Variants in THSD7B observed in about 807,000 individuals in gnomAD.
THSD7B encodes the protein thrombospondin type 1 domain containing 7B, also known as thrombospondin type-1 domain-containing protein 7B.
THSD7B carries 138 observed loss-of-function variants against 213.6 expected under a neutral mutation model. The observed-to-expected ratio is 0.65, with a 90% CI of 0.56 to 0.74. The LOEUF (loss-of-function observed/expected upper bound fraction) is 0.74. Among genes scored for constraint, THSD7B ranks in the 30% least tolerant of loss-of-function variants. The pLI, the probability that THSD7B is intolerant of heterozygous loss-of-function variation, is 0.00. For synonymous variants in THSD7B, 742 were observed against 687.0 expected, an observed-to-expected ratio of 1.08 and a Z score of -1.25; for missense variants, 1,931 against 1,991.5, an observed-to-expected ratio of 0.97 and a Z score of 0.58.
chr2:136,957,558 C>A (rs1285167179), intron 2 of THSD7B, among the ~76,000 whole-genome samples: 1 of 151,556 alleles, frequency 6.6e-6, no homozygotes. Context: ...AAAGTATTTC[C>A]TTTTTTGTTG....
intron 12 of THSD7B, among the ~76,000 whole-genome samples, chr2:137,373,371 C>G (rs1685575623): frequency 6.6e-6 from 1 of 152,170 alleles, no homozygotes; most frequent in Non-Finnish European, 1.5e-5. Flanking sequence ...TGTTTCCTGA[C>G]TTTTTAATGA....
chr2:137,386,191 C>T (rs1256065160), intron 12 of THSD7B, among the ~76,000 whole-genome samples: 1 of 152,236 alleles, frequency 6.6e-6, no homozygotes, highest in Non-Finnish European at 1.5e-5. Context: ...ATTTGTGCAT[C>T]ATTCCTTCCA....
intron 15 of THSD7B, among the ~76,000 whole-genome samples, chr2:137,515,659 C>T (rs1439874834): frequency 6.6e-6 from 1 of 152,106 alleles, no homozygotes; most frequent in East Asian, 1.9e-4. Context: ...TATTTGGGCC[C>T]ACTAAGTAGG....
intron 15 of THSD7B, among the ~76,000 whole-genome samples, chr2:137,552,917 G>A (rs544689492): frequency 2.0e-5 from 3 of 152,304 alleles, no homozygotes; most frequent in African/African-American, 7.2e-5. Context: ...AGAAAGCCTG[G>A]ACACCTATAG....
intron 2 of THSD7B, among the ~76,000 whole-genome samples, chr2:137,030,667 A>G (rs1183679253): frequency 6.6e-6 from 1 of 152,184 alleles, no homozygotes; most frequent in Non-Finnish European, 1.5e-5. Context: ...TTACTCAAGA[A>G]TCAAAAACCA....
At chr2:136,865,072 G>A (rs546865204) in intron 1 of THSD7B, among the ~76,000 whole-genome samples, 36 of 152,248 alleles carry the variant, frequency 2.4e-4, no homozygotes, top group African/African-American at 7.7e-4. Flanking sequence ...ATTATTTCTG[G>A]AGCAGTTGTT....
intron 6 of THSD7B, among the ~76,000 whole-genome samples, chr2:137,161,794 A>G (rs150273959): frequency 5.3e-5 from 8 of 152,282 alleles, no homozygotes; most frequent in Non-Finnish European, 1.0e-4. Flanking sequence ...TATGATCTAC[A>G]CATATATAGT....
chr2:137,472,775 A>G (rs1430404965), intron 15 of THSD7B, among the ~76,000 whole-genome samples: 1 of 152,236 alleles, frequency 6.6e-6, no homozygotes, highest in Non-Finnish European at 1.5e-5. Flanking sequence ...GGAATCTAAA[A>G]TCATAACAAT....
At chr2:137,016,275 C>T (rs1364927250) in intron 2 of THSD7B, among the ~76,000 whole-genome samples, 1 of 152,020 alleles carries the variant, frequency 6.6e-6, no homozygotes, top group African/African-American at 2.4e-5. Context: ...TGTTTCTCTC[C>T]CAAAAACTGA....
At chr2:137,674,625 A>ATAAT (rs1558880087) in intron 27 of THSD7B, among the ~76,000 whole-genome samples, 1 of 152,240 alleles carries the variant, frequency 6.6e-6, no homozygotes, top group Non-Finnish European at 1.5e-5. Context: ...TGTTATTCAG[A>ATAAT]TAATTAAGCA....
intron 10 of THSD7B, among the ~76,000 whole-genome samples, chr2:137,244,912 A>G (rs974413382): frequency 2.6e-5 from 4 of 152,168 alleles, no homozygotes; most frequent in Admixed American, 1.3e-4. Flanking sequence ...TGGTTCTCAA[A>G]CTTTATTGCA....
chr2:136,777,453 A>G (rs985007219), intron 1 of THSD7B, among the ~76,000 whole-genome samples: 1 of 152,026 alleles, frequency 6.6e-6, no homozygotes, highest in African/African-American at 2.4e-5. Context: ...TTCTGCCCTC[A>G]CTGGTCCTGC....
intron 1 of THSD7B, among the ~76,000 whole-genome samples, chr2:136,781,334 G>A (rs562876241): frequency 3.4e-5 from 5 of 146,094 alleles, no homozygotes; most frequent in South Asian, 2.2e-4. Context: ...GCCTGATCTC[G>A]GCTCACTGTA....
At chr2:136,804,219 A>G (rs75418345) in intron 1 of THSD7B, among the ~76,000 whole-genome samples, 3,454 of 152,266 alleles carry the variant, frequency 0.023, 52 homozygotes, top group South Asian at 0.084. Flanking sequence ...GATCTTCAGC[A>G]ATGTAATTAC....
chr2:137,497,468 T>C (rs1458349043), intron 15 of THSD7B, among the ~76,000 whole-genome samples: 1 of 152,126 alleles, frequency 6.6e-6, no homozygotes, highest in Non-Finnish European at 1.5e-5. Flanking sequence ...AAATCCTCCC[T>C]GCCTTGTTTT....
At chr2:137,421,606 C>T (rs1453742602) in intron 14 of THSD7B, among the ~76,000 whole-genome samples, 1 of 152,226 alleles carries the variant, frequency 6.6e-6, no homozygotes, top group Non-Finnish European at 1.5e-5. Flanking sequence ...TATCTGGAAG[C>T]TCCCTGAACC....
At chr2:136,962,879 C>T (rs1685249535) in intron 2 of THSD7B, among the ~76,000 whole-genome samples, 1 of 152,014 alleles carries the variant, frequency 6.6e-6, no homozygotes, top group Non-Finnish European at 1.5e-5. Context: ...ATAAAACAGA[C>T]ACACATTTGA....
intron 7 of THSD7B, among the ~76,000 whole-genome samples, chr2:137,184,658 CTA>C (rs1680517959): frequency 6.6e-6 from 1 of 152,110 alleles, no homozygotes; most frequent in Non-Finnish European, 1.5e-5. Flanking sequence ...TCTATATTGT[CTA>C]TATGTCATAT....
intron 2 of THSD7B, chr2:136,906,382 T>C (rs2105018085): frequency 6.6e-6 from 1 of 152,296 alleles, no homozygotes; most frequent in South Asian, 2.1e-4. Context: ...TATCCATTTA[T>C]TGAGAGAAAA....
Sources: allele counts gnomAD v4.1 joint callset (sites outside exome capture counted in the v4.1 genomes callset), GRCh38; gene constraint gnomAD v4.1.1; transcripts MANE v1.5; gene names NCBI Gene and HGNC (gene_info 2026-07-23, HGNC 2026-07-21).